The following CLYBL variants were observed in gnomAD, a reference collection of about 807,000 sequenced individuals.
The protein encoded by CLYBL is citramalyl-CoA lyase, mitochondrial.
Under a neutral mutation model 38.9 loss-of-function variants are expected in CLYBL, and 31 were observed. That is an observed-to-expected ratio of 0.80 (90% confidence interval 0.60 to 1.08). The LOEUF is 1.08. CLYBL is among the 50% of genes least tolerant of loss of function. The pLI is 0.00. For missense variants in CLYBL, 434 were observed against 411.6 expected, an observed-to-expected ratio of 1.05 and a Z score of -0.47; for synonymous variants, 171 against 158.6, an observed-to-expected ratio of 1.08 and a Z score of -0.59.
downstream of CLYBL, among the ~76,000 whole-genome samples, chr13:99,898,134 GGAGA>G (rs992491428): frequency 2.0e-5 from 3 of 152,124 alleles, no homozygotes; most frequent in African/African-American, 7.2e-5. Flanking sequence ...TGGCTAAAGG[GGAGA>G]GATTCAGTGA....
At chr13:99,672,447 C>G (rs560215392) in intron 1 of CLYBL, among the ~76,000 whole-genome samples, 1 of 152,034 alleles carries the variant, frequency 6.6e-6, no homozygotes, top group Non-Finnish European at 1.5e-5. Context: ...AGTCTCTTTT[C>G]TCTGTCACCT....
In CLYBL at chr13:99,618,007, C is replaced by G. The variant is rs150533633; in HGVS notation, c.62+11250C>G. Among the ~76,000 whole-genome samples, 607 of 152,310 alleles carry G rather than the reference C, an allele frequency of 4.0e-3. 17 individuals carry two copies. The highest frequency in any genetic ancestry group is 0.028 in the Admixed American group (433 of 15,304). On this transcript the variant is annotated intron_variant, in intron 1 of 8. Transcript: ENST00000339105. Reference sequence around the variant, plus strand: ...CTGTTTTCATTTTTTCCTATTGCCCCATTTCCACCAGACATATCACATGCT... The same window carrying G: ...CTGTTTTCATTTTTTCCTATTGCCCGATTTCCACCAGACATATCACATGCT...
intron 2 of CLYBL, among the ~76,000 whole-genome samples, chr13:99,776,284 C>G (rs1459214658): frequency 6.6e-6 from 1 of 151,706 alleles, no homozygotes; most frequent in African/African-American, 2.4e-5. Flanking sequence ...CACTTGAGGC[C>G]AGTAGTTCAA....
intron 1 of CLYBL, among the ~76,000 whole-genome samples, chr13:99,770,319 T>C (rs1181959520): frequency 6.6e-6 from 1 of 151,768 alleles, no homozygotes; most frequent in African/African-American, 2.4e-5. Context: ...AACTCTTTTT[T>C]TGTTTGTTTG....
intron 1 of CLYBL, among the ~76,000 whole-genome samples, chr13:99,756,727 C>A (rs1177282282): frequency 6.6e-6 from 1 of 152,142 alleles, no homozygotes; most frequent in Non-Finnish European, 1.5e-5. Context: ...TGGACTAAAG[C>A]TTCCCACATG....
intron 1 of CLYBL, among the ~76,000 whole-genome samples, chr13:99,614,804 T>C (rs2046684174): frequency 6.6e-6 from 1 of 152,092 alleles, no homozygotes; most frequent in South Asian, 2.1e-4. Context: ...AGATCAACTC[T>C]TTACTGCAGA....
chr13:99,845,972 T>TAAAAAA (rs10677824), intron 2 of CLYBL, among the ~76,000 whole-genome samples: 29 of 148,068 alleles, frequency 2.0e-4, no homozygotes, highest in African/African-American at 6.7e-4. Flanking sequence ...ATTTGCCACC[T>TAAAAAA]AAAAAAAAAA....
intron 1 of CLYBL, among the ~76,000 whole-genome samples, chr13:99,631,663 A>G (rs1035893555): frequency 1.3e-5 from 2 of 151,516 alleles, no homozygotes; most frequent in East Asian, 2.0e-4. Flanking sequence ...CAGTGGCGTG[A>G]TCTCGGCTCA....
chr13:99,628,840 A>G (rs1409289280), intron 1 of CLYBL, among the ~76,000 whole-genome samples: 2 of 152,214 alleles, frequency 1.3e-5, no homozygotes, highest in Non-Finnish European at 2.9e-5. Flanking sequence ...GGTTATTGTG[A>G]TATTGTTATT....
intron 1 of CLYBL, among the ~76,000 whole-genome samples, chr13:99,708,685 G>C (rs2048182026): frequency 6.6e-6 from 1 of 152,202 alleles, no homozygotes; most frequent in Non-Finnish European, 1.5e-5. Flanking sequence ...ACTAGCTGTT[G>C]TTATGGATTG....
At chr13:99,670,354 C>G (rs533405197) in intron 1 of CLYBL, among the ~76,000 whole-genome samples, 2 of 152,252 alleles carry the variant, frequency 1.3e-5, no homozygotes, top group South Asian at 4.1e-4. Flanking sequence ...AGCAAAGTAG[C>G]GAGACCCTGT....
chr13:99,769,205 CTG>C (rs1436943685), intron 1 of CLYBL, among the ~76,000 whole-genome samples: 1 of 152,198 alleles, frequency 6.6e-6, no homozygotes, highest in African/African-American at 2.4e-5. Context: ...TACCATGTGA[CTG>C]AGAGGTGGGG....
intron 6 of CLYBL, among the ~76,000 whole-genome samples, chr13:99,866,708 G>A (rs528088498): frequency 4.6e-5 from 7 of 151,592 alleles, no homozygotes; most frequent in African/African-American, 1.7e-4. Flanking sequence ...GAGGGATGAG[G>A]CTGCTCAAAA....
intron 1 of CLYBL, among the ~76,000 whole-genome samples, chr13:99,616,781 C>A (rs1024172744): frequency 2.6e-5 from 4 of 152,074 alleles, no homozygotes; most frequent in Non-Finnish European, 2.9e-5. Flanking sequence ...CATGGTGAAA[C>A]CCCGTCTCTA....
chr13:99,828,925 G>T (rs151103950), intron 2 of CLYBL, among the ~76,000 whole-genome samples: 3 of 152,294 alleles, frequency 2.0e-5, no homozygotes, highest in African/African-American at 7.2e-5. Context: ...CAGAAGCAGT[G>T]TGCAGACCCT....
intron 1 of CLYBL, among the ~76,000 whole-genome samples, chr13:99,613,022 GATGATA>G (rs72431074): frequency 0.52 from 71,007 of 136,512 alleles, 19,118 homozygotes; most frequent in Non-Finnish European, 0.63. Context: ...TAAAAATAGT[GATGATA>G]ATAATAATAA....
intron 2 of CLYBL, among the ~76,000 whole-genome samples, chr13:99,847,792 C>T (rs539165119): frequency 6.7e-4 from 102 of 152,310 alleles, no homozygotes; most frequent in African/African-American, 2.3e-3. Flanking sequence ...TGGATCCTCC[C>T]GAAGGCAGGC....
intron 1 of CLYBL, among the ~76,000 whole-genome samples, chr13:99,608,077 TTTTTTTTTTC>T (rs1394447294): frequency 6.9e-5 from 9 of 129,828 alleles, no homozygotes; most frequent in African/African-American, 2.5e-4. Flanking sequence ...TTTTTTTTTT[TTTTTTTTTTC>T]CGAGATGGAG....
At chr13:99,843,920 C>A (rs1028930936) in intron 2 of CLYBL, among the ~76,000 whole-genome samples, 1 of 152,200 alleles carries the variant, frequency 6.6e-6, no homozygotes, top group African/African-American at 2.4e-5. Context: ...AAATCTTACT[C>A]CATAGGGAAT....
Sources: allele counts gnomAD v4.1 joint callset (sites outside exome capture counted in the v4.1 genomes callset), GRCh38; gene constraint gnomAD v4.1.1; transcripts MANE v1.5; gene names NCBI Gene and HGNC (gene_info 2026-07-23, HGNC 2026-07-21).